The following ABCC6 variants were observed in gnomAD, a reference collection of about 807,000 sequenced individuals.
ABCC6 encodes the protein ATP-binding cassette sub-family C member 6.
A neutral mutation model predicts 169.5 loss-of-function variants in ABCC6; 126 were observed. The observed-to-expected ratio is 0.74, with a 90% confidence interval of 0.64 to 0.86. The LOEUF (loss-of-function observed/expected upper bound fraction) is 0.86. ABCC6 is among the 40% of genes least tolerant of loss of function. The pLI is 0.00. For synonymous variants in ABCC6, 752 were observed against 814.7 expected (o/e 0.92, Z 1.31); for missense variants, 1,733 against 1,927.2 (o/e 0.90, Z 1.89).
chr16:16,198,569 C>G (rs1397684082), intron 9 of ABCC6, among the ~76,000 whole-genome samples: 1 of 152,036 alleles, frequency 6.6e-6, no homozygotes, highest in Non-Finnish European at 1.5e-5. Flanking sequence ...TAATGCCAGG[C>G]CAGGTGCAGT....
chr16:16,155,928 AT>A (rs1452404318), intron 27 of ABCC6, among the ~76,000 whole-genome samples: 1 of 151,692 alleles, frequency 6.6e-6, no homozygotes, highest in Non-Finnish European at 1.5e-5. Context: ...TTATTTATTT[AT>A]TTTTGAGATA....
At chr16:16,171,409 T>C (rs1444929948) in intron 21 of ABCC6, among the ~76,000 whole-genome samples, 1 of 152,212 alleles carries the variant, frequency 6.6e-6, no homozygotes, top group Non-Finnish European at 1.5e-5. Context: ...ATAGCACTTA[T>C]TGTTATTGGA....
chr16:16,175,775 AT>A, intron 20 of ABCC6, 135 bp downstream of exon 20: 10 of 879,938 alleles, frequency 1.1e-5, no homozygotes, highest in South Asian at 1.4e-5. Flanking sequence ...GCAGGGCACC[AT>A]GGGGGGGACT....
chr16:16,169,577 G>C, intron 22 of ABCC6, 69 bp downstream of exon 22: 27 of 1,553,294 alleles, frequency 1.7e-5, no homozygotes, highest in Non-Finnish European at 2.4e-5. Flanking sequence ...GAGGGGTGGG[G>C]TAAAGGAGTC....
chr16:16,178,781 C>A lies in ABCC6; in HGVS notation c.2415+17G>T, dbSNP rs2047372244. ...TGCCTTTGCCCTGTACTGTCTGACA[C>A]ATGTTCCCAAACTTACTGTTCCCTG... On this transcript the variant is annotated intron_variant, in intron 18 of 30. Transcript: ENST00000205557. 6.2e-7 allele frequency: 1 copy of A among 1,613,758 alleles called. No homozygotes were observed. The highest frequency in any genetic ancestry group is 8.5e-7 in the Non-Finnish European group (1 of 1,180,014).
chr16:16,152,456 T>G (rs554660771), intron 29 of ABCC6, among the ~76,000 whole-genome samples: 1 of 152,036 alleles, frequency 6.6e-6, no homozygotes, highest in Non-Finnish European at 1.5e-5. Context: ...TGTCCCAACC[T>G]CACTACTTTT....
At chr16:16,153,031 C>A (rs1163850745) in intron 29 of ABCC6, among the ~76,000 whole-genome samples, 1 of 152,066 alleles carries the variant, frequency 6.6e-6, no homozygotes, top group Non-Finnish European at 1.5e-5. Context: ...TAGCCTCCCA[C>A]GTAACTGGGA....
rs1048478280 is a variant in ABCC6 at position 16,149,694 on chromosome 16, T to C, written c.*439A>G. The C allele has an allele frequency of 4.1e-5, 13 of 314,816 alleles. No individual in the cohort carries two copies. The highest frequency in any genetic ancestry group is 6.0e-5 in the South Asian group (1 of 16,806). 19.5% of individuals were successfully genotyped at this position (314,816 alleles called of 1,614,324 possible). A position where few individuals can be genotyped will look rare whatever the true frequency, so the allele number is the denominator to read the frequency against. On this transcript the variant is annotated 3_prime_UTR_variant, in exon 31 of 31. Transcript: ENST00000205557. ...GGGGTACCAAGTACACGAATCTCTC[T>C]ATATTATTGTTTCTTTAACTGCATG... is the stretch of plus-strand genomic sequence containing the variant.
At chr16:16,211,646 G>A (rs1304938706) in intron 6 of ABCC6, among the ~76,000 whole-genome samples, 6 of 152,142 alleles carry the variant, frequency 3.9e-5, no homozygotes, top group South Asian at 4.1e-4. Flanking sequence ...TCTGAATGCC[G>A]TGTGGTTAGG....
At chr16:16,197,431 G>A (rs2048077275) in intron 10 of ABCC6, among the ~76,000 whole-genome samples, 1 of 151,560 alleles carries the variant, frequency 6.6e-6, no homozygotes, top group African/African-American at 2.4e-5. Context: ...GGAGATGGGG[G>A]TGGAAGGGGA....
Position 16,200,452 on chromosome 16 carries a change from C to T in ABCC6, c.1176+1549G>A, listed in dbSNP as rs577665669. On this transcript the variant is annotated intron_variant, in intron 9 of 30. Coordinates refer to ENST00000205557, the MANE Select transcript of ABCC6 (RefSeq NM_001171.6). ...CAGAAAAAAAAAAAAAAAAAAAAGC[C>T]CAGAGGTTAGAGAGGAGGGATCTGA... 3.4e-4 allele frequency among the ~76,000 whole-genome samples: 51 copies of T among 148,066 alleles called. 1 individual carries two copies. Among genetic ancestry groups the T allele is most frequent in the South Asian group, 8.6e-4 (4 of 4,642 alleles).
At chr16:16,193,778 A>C (rs2047944287) in intron 10 of ABCC6, among the ~76,000 whole-genome samples, 1 of 152,200 alleles carries the variant, frequency 6.6e-6, no homozygotes, top group Admixed American at 6.6e-5. Flanking sequence ...TTCTTGCACG[A>C]GATCCAAGAA....
At chr16:16,157,377 T>A (rs1567468761) in intron 27 of ABCC6, among the ~76,000 whole-genome samples, 1 of 152,120 alleles carries the variant, frequency 6.6e-6, no homozygotes, top group Non-Finnish European at 1.5e-5. Flanking sequence ...CTGGAGCATT[T>A]AACACACTGC....
intron 14 of ABCC6, 91 bp from the exon 15 acceptor site, chr16:16,185,125 CCA>C: frequency 8.2e-7 from 1 of 1,216,064 alleles, no homozygotes; most frequent in South Asian, 1.2e-5. Flanking sequence ...CCCGCCCCCC[CCA>C]GGGGCAGAGG....
intron 20 of ABCC6, among the ~76,000 whole-genome samples, chr16:16,174,760 A>ACACCCCCC (rs1555511583): frequency 1.1e-5 from 1 of 94,636 alleles, no homozygotes; most frequent in Non-Finnish European, 2.2e-5. Flanking sequence ...CTGTCTCAAA[A>ACACCCCCC]CCCCCCCCCG....
intron 7 of ABCC6, 61 bp downstream of exon 7, chr16:16,208,667 C>T (rs933054235): frequency 2.9e-5 from 47 of 1,612,810 alleles, no homozygotes; most frequent in Admixed American, 3.3e-5. Flanking sequence ...CCACCGCACC[C>T]GGCCAATGAT....
chr16:16,205,783 G>A (rs1476479718), intron 7 of ABCC6, among the ~76,000 whole-genome samples: 3 of 152,132 alleles, frequency 2.0e-5, no homozygotes, highest in Non-Finnish European at 2.9e-5. Flanking sequence ...CCACCAAGAT[G>A]TCCCTAGTAT....
chr16:16,209,574 T>C (rs2048524353), intron 6 of ABCC6, among the ~76,000 whole-genome samples: 1 of 151,748 alleles, frequency 6.6e-6, no homozygotes, highest in Admixed American at 6.6e-5. Flanking sequence ...TAGAAGAAGC[T>C]TGAACTCCTC....
chr16:16,207,993 A>G (rs2152288161), intron 7 of ABCC6, among the ~76,000 whole-genome samples: 1 of 151,550 alleles, frequency 6.6e-6, no homozygotes, highest in African/African-American at 2.4e-5. Flanking sequence ...CCCATAAGCT[A>G]TGAGCTGGGG....
Sources: gnomAD v4.1 joint callset for allele counts (sites outside exome capture counted in the v4.1 genomes callset) on GRCh38, gnomAD v4.1.1 for gene constraint, MANE v1.5 for transcripts, NCBI Gene and HGNC (gene_info 2026-07-23, HGNC 2026-07-21) for gene names.